Variants in WWC1 observed in about 807,000 individuals in gnomAD.
The protein encoded by WWC1 is WW and C2 domain containing 1.
Under a neutral mutation model 138.4 loss-of-function variants are expected in WWC1, and 55 were observed. The observed-to-expected ratio is 0.40, with a 90% CI of 0.32 to 0.50. WWC1 has a LOEUF of 0.50. WWC1 is among the 20% of genes least tolerant of loss of function. The pLI is 0.72. For synonymous variants in WWC1, 524 were observed against 564.9 expected (o/e 0.93, Z 1.03); for missense variants, 1,226 against 1,420.4 (o/e 0.86, Z 2.20).
intron 1 of WWC1, 132 bp from the exon 2 acceptor site, chr5:168,371,292 G>T (rs1776733862): frequency 8.0e-6 from 5 of 623,192 alleles, no homozygotes; most frequent in Admixed American, 2.7e-5. Flanking sequence ...CAACAGAGCT[G>T]GTGCTGCTGT....
At chr5:168,444,072 T>A (rs1755024575) in intron 16 of WWC1, among the ~76,000 whole-genome samples, 1 of 152,220 alleles carries the variant, frequency 6.6e-6, no homozygotes, top group Non-Finnish European at 1.5e-5. Context: ...CTTCCCAAGC[T>A]TTATCACTGT....
chr5:168,395,904 C>T (rs1778864388), intron 3 of WWC1, among the ~76,000 whole-genome samples: 1 of 152,206 alleles, frequency 6.6e-6, no homozygotes, highest in Admixed American at 6.5e-5. Flanking sequence ...CATTTTAATG[C>T]CTTATGCATA....
At chr5:168,390,022 G>C (rs529265649) in intron 3 of WWC1, among the ~76,000 whole-genome samples, 144 of 152,256 alleles carry the variant, frequency 9.5e-4, no homozygotes, top group African/African-American at 3.1e-3. Flanking sequence ...CTATTGATAG[G>C]AAATACATAA....
At chr5:168,450,443 G>A (rs1357308740) in intron 17 of WWC1, among the ~76,000 whole-genome samples, 1 of 152,142 alleles carries the variant, frequency 6.6e-6, no homozygotes, top group Admixed American at 6.5e-5. Flanking sequence ...CGAGGTGGGT[G>A]GATCATGAGG....
intron 3 of WWC1, among the ~76,000 whole-genome samples, chr5:168,394,492 G>C (rs943141829): frequency 6.6e-6 from 1 of 151,936 alleles, no homozygotes; most frequent in Non-Finnish European, 1.5e-5. Context: ...TTGGGGGGCC[G>C]AGGCGGGTGG....
At chr5:168,352,045 C>G (rs1029649729) in intron 1 of WWC1, among the ~76,000 whole-genome samples, 3 of 152,216 alleles carry the variant, frequency 2.0e-5, no homozygotes, top group African/African-American at 7.2e-5. Flanking sequence ...TGTCCCGTTC[C>G]TTAGAGGTCA....
chr5:168,464,863 G>A lies in WWC1; in HGVS notation c.3051G>A (p.Glu1017=). The change falls in exon 21 of 23, where the codon GAG becomes GAA. Residue 1017 remains glutamate (E), a synonymous_variant. Coordinates refer to ENST00000265293, the MANE Select transcript of WWC1 (RefSeq NM_015238.3). ...QEISVLKELK[E]QLEQAKSHGE... ...TCTCGGTGCTGAAGGAGCTCAAGGAGCAGCTGGAACAAGCCAAGAGCCACG... is the reference window on the plus strand; with the variant it reads ...TCTCGGTGCTGAAGGAGCTCAAGGAACAGCTGGAACAAGCCAAGAGCCACG... 1 of 1,614,192 alleles carries A rather than the reference G, an allele frequency of 6.2e-7. No individual in the cohort carries two copies.
At chr5:168,335,041 TA>T (rs796452523) in intron 1 of WWC1, among the ~76,000 whole-genome samples, 10 of 148,714 alleles carry the variant, frequency 6.7e-5, no homozygotes, top group Admixed American at 1.3e-4. Context: ...TTTTCCCCTC[TA>T]AAAAAAAAAT....
intron 2 of WWC1, 114 bp from the exon 3 acceptor site, chr5:168,385,097 A>T: frequency 2.0e-6 from 2 of 1,003,972 alleles, no homozygotes; most frequent in Non-Finnish European, 2.9e-6. Context: ...ACTTACATTT[A>T]TTGTGATTTG....
chr5:168,320,301 C>T (rs535075260), intron 1 of WWC1, among the ~76,000 whole-genome samples: 1 of 152,288 alleles, frequency 6.6e-6, no homozygotes, highest in East Asian at 1.9e-4. Flanking sequence ...TCCAAAAGTG[C>T]TGGGATTATA....
chr5:168,357,496 G>GCA (rs1554096931), intron 1 of WWC1, among the ~76,000 whole-genome samples: 119 of 96,928 alleles, frequency 1.2e-3, no homozygotes, highest in South Asian at 1.6e-3. Flanking sequence ...GTGTGTGTGC[G>GCA]CGCGCGCACG....
chr5:168,461,272 C>A (rs1756785388), intron 20 of WWC1, among the ~76,000 whole-genome samples: 1 of 151,506 alleles, frequency 6.6e-6, no homozygotes, highest in Non-Finnish European at 1.5e-5. Flanking sequence ...GCAGAGGTTG[C>A]AGTGAGCTGA....
In WWC1 at chr5:168,393,740, C is replaced by G. The variant is rs147797920; in HGVS notation, c.434-3984C>G. Among the ~76,000 whole-genome samples, 20 of 152,290 alleles carry G rather than the reference C, an allele frequency of 1.3e-4. No individual in the cohort carries two copies. The Middle Eastern group carries it at 0.01, about 78-fold the overall frequency. On this transcript the variant is annotated intron_variant, in intron 3 of 22. Transcript: ENST00000265293. ...CGGATCTCAGGAAGCCAGCCGAACA[C>G]AGAGAGCAGCTCGCTCACACTGAAG...
intron 1 of WWC1, among the ~76,000 whole-genome samples, chr5:168,313,450 A>C (rs1581891425): frequency 6.6e-6 from 1 of 152,030 alleles, no homozygotes; most frequent in African/African-American, 2.4e-5. Flanking sequence ...AATTAGCCAG[A>C]CGTGGTGGCG....
In WWC1 at chr5:168,441,747, C is replaced by G; in HGVS notation, c.2346C>G (p.Asn782Lys). The change falls in exon 16 of 23, where the codon AAC becomes AAG. Residue 782 changes from asparagine (N) to lysine (K), a missense_variant. Physicochemically the swap from Asn to Lys is moderately conservative, Grantham distance 94 (BLOSUM62 0). Around this residue, in one of 3 missense-constraint regions of WWC1, gnomAD observed 1,016 missense variants for 1,153.9 expected, o/e 0.88. Coordinates refer to ENST00000265293, the MANE Select transcript of WWC1 (RefSeq NM_015238.3). ...GGGAGAGGTCGACTCGCTGGTACAA[C>G]CTTCTCAGCTACAAATACTTGAAGA... The part of the protein sequence containing the change: ...RSGERSTRWY[N>K]LLSYKYLKKQ... The G allele has an allele frequency of 6.2e-7, 1 of 1,614,206 alleles. No homozygotes were observed. The highest frequency in any genetic ancestry group is 2.2e-5 in the East Asian group (1 of 44,874).
chr5:168,374,114 T>A lies in WWC1; in HGVS notation c.229+2581T>A, dbSNP rs551103841. Among the ~76,000 whole-genome samples the A allele has an allele frequency of 9.2e-5, 14 of 151,860 alleles. No individual in the cohort carries two copies. The East Asian group carries it at 2.7e-3, about 29-fold the overall frequency. On this transcript the variant is annotated intron_variant, in intron 2 of 22. Transcript: ENST00000265293. Reference sequence around the variant, plus strand: ...ATCAAACAACAATTCGCTCATACATTCACCATCGAGCATTCATTCATTTAG... The same window carrying A: ...ATCAAACAACAATTCGCTCATACATACACCATCGAGCATTCATTCATTTAG...
At chr5:168,445,787 T>C (rs1755204866) in intron 17 of WWC1, among the ~76,000 whole-genome samples, 2 of 147,898 alleles carry the variant, frequency 1.4e-5, no homozygotes, top group Non-Finnish European at 3.0e-5. Context: ...GAATCCAGGC[T>C]CCTTTCCTCT....
intron 15 of WWC1, among the ~76,000 whole-genome samples, chr5:168,433,667 A>G (rs1782116752): frequency 6.6e-6 from 1 of 152,118 alleles, no homozygotes; most frequent in Non-Finnish European, 1.5e-5. Flanking sequence ...ACTCCAGAGT[A>G]GCTGGGACTA....
intron 1 of WWC1, among the ~76,000 whole-genome samples, chr5:168,319,569 T>G (rs1432291097): frequency 6.6e-6 from 1 of 152,252 alleles, no homozygotes; most frequent in Non-Finnish European, 1.5e-5. Context: ...TGGTACGATC[T>G]TAGCTTACTG....
Sources: allele counts gnomAD v4.1 joint callset (sites outside exome capture counted in the v4.1 genomes callset), GRCh38; gene constraint gnomAD v4.1.1; regional missense constraint gnomAD v4.1.1; transcripts MANE v1.5; gene names NCBI Gene and HGNC (gene_info 2026-07-23, HGNC 2026-07-21).